The following CRPPA variants were observed in gnomAD, a reference collection of about 807,000 sequenced individuals.
CRPPA encodes the protein CDP-L-ribitol pyrophosphorylase A.
CRPPA carries 43 observed loss-of-function variants against 52.0 expected under a neutral mutation model. The ratio of observed to expected loss-of-function variants is 0.83; its 90% confidence interval spans 0.65 to 1.07. The LOEUF (loss-of-function observed/expected upper bound fraction) is 1.07. Ranked by LOEUF, CRPPA falls within the 50% of genes least tolerant of loss-of-function variation. The pLI is 0.00. For missense variants in CRPPA, 629 were observed against 551.7 expected, an observed-to-expected ratio of 1.14 and a Z score of -1.40; for synonymous variants, 250 against 203.5, an observed-to-expected ratio of 1.23 and a Z score of -1.94.
At chr7:16,374,815 C>G in intron 3 of CRPPA, among the ~76,000 whole-genome samples, 1 of 152,032 alleles carries the variant, frequency 6.6e-6, no homozygotes, top group East Asian at 1.9e-4. Context: ...TTATCATCCA[C>G]CTGAAAAAAA....
chr7:16,188,905 T>C (rs956720496), intron 9 of CRPPA, among the ~76,000 whole-genome samples: 2 of 152,168 alleles, frequency 1.3e-5, no homozygotes, highest in African/African-American at 4.8e-5. Context: ...GAGAAGTTGC[T>C]TAACAAGTTC....
intron 3 of CRPPA, among the ~76,000 whole-genome samples, chr7:16,350,571 G>A (rs775527510): frequency 2.6e-5 from 4 of 152,078 alleles, no homozygotes; most frequent in Non-Finnish European, 5.9e-5. Flanking sequence ...GATGCTTTAT[G>A]TAAGCCTCAA....
At chr7:16,344,440 G>A (rs1785952814) in intron 3 of CRPPA, among the ~76,000 whole-genome samples, 1 of 149,004 alleles carries the variant, frequency 6.7e-6, no homozygotes, top group South Asian at 2.1e-4. Flanking sequence ...GCTATGTATG[G>A]TGGCATGTGC....
intron 3 of CRPPA, among the ~76,000 whole-genome samples, chr7:16,321,964 G>A (rs538492660): frequency 3.0e-4 from 45 of 152,168 alleles, no homozygotes; most frequent in Admixed American, 5.2e-4. Context: ...ACAAAGTACT[G>A]CTGGCCAACA....
rs548740427 is a variant in CRPPA at position 16,156,598 on chromosome 7, G to A, written c.1251+59468C>T. ...GATCAGAGAAAAACTAAAAGACAAG[G>A]CACAACTTATAAACAAATTTGTAAA... On this transcript the variant is annotated intron_variant, in intron 9 of 9. Transcript: ENST00000407010. Among the ~76,000 whole-genome samples the A allele has an allele frequency of 3.3e-5, 5 of 152,158 alleles. No homozygotes were observed. In the East Asian group the frequency reaches 9.6e-4, roughly 29 times the overall value.
intron 2 of CRPPA, among the ~76,000 whole-genome samples, chr7:16,397,380 CAT>C (rs775189749): frequency 4.7e-4 from 71 of 152,236 alleles, no homozygotes; most frequent in African/African-American, 1.3e-3. Context: ...ACACGTGTGA[CAT>C]ATGACAGATG....
At chr7:16,236,069 A>C (rs2128404550) in intron 8 of CRPPA, 1 of 152,248 alleles carries the variant, frequency 6.6e-6, no homozygotes, top group African/African-American at 2.4e-5. Flanking sequence ...TGGAAATTAT[A>C]AATGTATTTG....
intron 8 of CRPPA, among the ~76,000 whole-genome samples, chr7:16,238,677 C>A (rs1783017263): frequency 1.3e-5 from 2 of 152,024 alleles, no homozygotes; most frequent in African/African-American, 4.8e-5. Context: ...TAGAAGGTCT[C>A]AAAAATGGCT....
chr7:16,379,336 T>TC (rs1286328859), intron 2 of CRPPA, among the ~76,000 whole-genome samples: 2 of 152,240 alleles, frequency 1.3e-5, no homozygotes, highest in African/African-American at 4.8e-5. Flanking sequence ...TCTGTTCTGT[T>TC]CCATTGATCT....
chr7:16,115,172 T>C (rs1416444889), intron 9 of CRPPA, among the ~76,000 whole-genome samples: 1 of 152,156 alleles, frequency 6.6e-6, no homozygotes, highest in Non-Finnish European at 1.5e-5. Context: ...TGGCCCTAAC[T>C]AAATTTGGAA....
intron 6 of CRPPA, among the ~76,000 whole-genome samples, chr7:16,266,767 C>G (rs2128414902): frequency 6.6e-6 from 1 of 152,342 alleles, no homozygotes. Flanking sequence ...GCACGAGCCA[C>G]CGTGCCCAGC....
intron 4 of CRPPA, among the ~76,000 whole-genome samples, chr7:16,303,220 T>C (rs1784826692): frequency 6.6e-6 from 1 of 152,150 alleles, no homozygotes; most frequent in Non-Finnish European, 1.5e-5. Context: ...GCTGCTACTT[T>C]ATTTCTGGAT....
chr7:16,179,763 C>A (rs1012767570), intron 9 of CRPPA, among the ~76,000 whole-genome samples: 1 of 152,058 alleles, frequency 6.6e-6, no homozygotes, highest in East Asian at 1.9e-4. Flanking sequence ...GAAACTGATA[C>A]ACTGTGGCAT....
rs1171581548 is a variant in CRPPA at position 16,286,073 on chromosome 7, AT to A, written c.836-7848del. On this transcript the variant is annotated intron_variant, in intron 5 of 9. Coordinates refer to ENST00000407010, the MANE Select transcript of CRPPA (RefSeq NM_001101426.4). ...TATATATATATATATATATATATAT[AT>A]ATATATAATATTTAAAAAAAAAAAT... is the stretch of plus-strand genomic sequence containing the variant. Among the ~76,000 whole-genome samples the A allele has an allele frequency of 7.9e-3, 267 of 33,828 alleles. 8 individuals carry two copies. Among genetic ancestry groups the A allele is most frequent in the East Asian group, 0.015 (23 of 1,530 alleles). The allele number at this position is 33,828 out of a possible 152,430, so 22.2% of individuals were successfully genotyped here.
chr7:16,156,363 G>A (rs1783181633), intron 9 of CRPPA, among the ~76,000 whole-genome samples: 1 of 152,150 alleles, frequency 6.6e-6, no homozygotes, highest in Non-Finnish European at 1.5e-5. Flanking sequence ...CTTTTTCAAA[G>A]GGCTGTGCCA....
chr7:16,116,780 T>C (rs1251229187), intron 9 of CRPPA, among the ~76,000 whole-genome samples: 3 of 151,588 alleles, frequency 2.0e-5, no homozygotes, highest in Admixed American at 6.6e-5. Context: ...AAATGCAACA[T>C]GTGTTCCCGG....
At chr7:16,190,588 G>C (rs960202560) in intron 9 of CRPPA, among the ~76,000 whole-genome samples, 2 of 152,092 alleles carry the variant, frequency 1.3e-5, no homozygotes, top group Non-Finnish European at 2.9e-5. Context: ...TCTTTAGAAA[G>C]AGCATATTTT....
Position 16,132,233 on chromosome 7 carries a change from T to G in CRPPA, c.1252-40434A>C. Among the ~76,000 whole-genome samples the G allele has an allele frequency of 2.9e-5, 2 of 70,002 alleles. 1 individual carries two copies. The highest frequency in any genetic ancestry group is 7.7e-5 in the Non-Finnish European group (2 of 26,054). 45.9% of individuals were successfully genotyped at this position (70,002 alleles called of 152,430 possible). ...AGGACTGGTTACTCCTTTCTTCTTT[T>G]CTATTATCCGCTTTCAGAGTGGTGA... On this transcript the variant is annotated intron_variant, in intron 9 of 9. Coordinates refer to ENST00000407010, the MANE Select transcript of CRPPA (RefSeq NM_001101426.4).
At chr7:16,200,463 C>T (rs1383172701) in intron 9 of CRPPA, among the ~76,000 whole-genome samples, 1 of 152,138 alleles carries the variant, frequency 6.6e-6, no homozygotes, top group Non-Finnish European at 1.5e-5. Context: ...GTACTACATG[C>T]ATGATCTAAA....
Sources: allele counts gnomAD v4.1 joint callset (sites outside exome capture counted in the v4.1 genomes callset), GRCh38; gene constraint gnomAD v4.1.1; transcripts MANE v1.5; gene names NCBI Gene and HGNC (gene_info 2026-07-23, HGNC 2026-07-21).